Variants in EIF3D observed in about 807,000 individuals in gnomAD.
EIF3D encodes the protein eIF3 p66.
A neutral mutation model predicts 75.4 loss-of-function variants in EIF3D; 10 were observed. The ratio of observed to expected loss-of-function variants is 0.13; its 90% CI spans 0.08 to 0.22. The LOEUF (loss-of-function observed/expected upper bound fraction) is 0.22, where lower values mean the gene tolerates loss of function less well. Ranked by LOEUF, EIF3D falls within the 10% of genes least tolerant of loss-of-function variation. The pLI, the probability that EIF3D is intolerant of heterozygous loss-of-function variation, is 1.00. For missense variants in EIF3D, 394 were observed against 708.0 expected, an observed-to-expected ratio of 0.56 and a Z score of 5.03; for synonymous variants, 246 against 248.3, an observed-to-expected ratio of 0.99 and a Z score of 0.09.
intron 6 of EIF3D, 65 bp from the exon 7 acceptor site, chr22:36,520,753 G>T: frequency 8.4e-7 from 1 of 1,197,174 alleles, no homozygotes; most frequent in Non-Finnish European, 1.2e-6. Flanking sequence ...ATAAAAGACA[G>T]GCTAAAAATA....
intron 1 of EIF3D, among the ~76,000 whole-genome samples, chr22:36,527,871 C>T (rs1385510442): frequency 6.6e-6 from 1 of 152,178 alleles, no homozygotes; most frequent in Non-Finnish European, 1.5e-5. Flanking sequence ...GTATGCTGAA[C>T]TTAGTAAACT....
At chr22:36,511,848 A>G in intron 13 of EIF3D, 62 bp from the exon 14 acceptor site, 1 of 1,573,850 alleles carries the variant, frequency 6.4e-7, no homozygotes, top group Non-Finnish European at 8.7e-7. Flanking sequence ...AACACTTGGG[A>G]TCAAATGTCA....
At chr22:36,519,916 C>CAAAGATTCCTCCTGAAGA (rs1569000083) in intron 7 of EIF3D, among the ~76,000 whole-genome samples, 1 of 152,212 alleles carries the variant, frequency 6.6e-6, no homozygotes, top group Non-Finnish European at 1.5e-5. Context: ...TCAGGAGAAG[C>CAAAGATTCCTCCTGAAGA]AAAGATTCCT....
intron 7 of EIF3D, 93 bp from the exon 8 acceptor site, chr22:36,519,630 T>C (rs1156322030): frequency 6.4e-7 from 1 of 1,554,904 alleles, no homozygotes; most frequent in African/African-American, 1.4e-5. Context: ...TATCCAAAAG[T>C]CTAAAAGAGG....
intron 12 of EIF3D, chr22:36,512,858 GAC>G (rs67441722): frequency 0.25 from 84,753 of 340,068 alleles, 9,211 homozygotes; most frequent in African/African-American, 0.42. Flanking sequence ...GACACACACG[GAC>G]ACACACACAC....
Position 36,524,670 on chromosome 22 carries a change from T to C in EIF3D, c.232A>G (p.Ser78Gly), listed in dbSNP as rs771690165. 2 of 1,614,218 alleles carry C rather than the reference T, an allele frequency of 1.2e-6. No homozygotes were observed. The highest frequency in any genetic ancestry group is 1.7e-6 in the Non-Finnish European group (2 of 1,180,044). Reference protein sequence around the residue: ...QYAYFHEEDESSFQLVDTART... With the variant: ...QYAYFHEEDEGSFQLVDTART... ...GCTGTATCCACCAGCTGGAAGCTAC[T>C]TTCATCCTCCTCATGGAAATAAGCA... Residue 78 changes from serine to glycine, a missense_variant, in exon 4 of 15, where the codon AGT becomes GGT. Coordinates refer to ENST00000216190, the MANE Select transcript of EIF3D (RefSeq NM_003753.4).
chr22:36,518,334 T>C (rs992968027), intron 9 of EIF3D, among the ~76,000 whole-genome samples: 22 of 151,046 alleles, frequency 1.5e-4, no homozygotes, highest in African/African-American at 4.8e-4. Flanking sequence ...ACTAAAAATA[T>C]AGAAAGTAGC....
chr22:36,513,338 T>C (rs913813985), intron 12 of EIF3D, among the ~76,000 whole-genome samples: 1 of 152,122 alleles, frequency 6.6e-6, no homozygotes, highest in African/African-American at 2.4e-5. Flanking sequence ...GTTTTGCTCT[T>C]GTTGCCCAGG....
chr22:36,511,437 TAC>T, intron 14 of EIF3D, 64 bp downstream of exon 14: 1 of 1,590,168 alleles, frequency 6.3e-7, no homozygotes, highest in Non-Finnish European at 8.6e-7. Context: ...TCACAATGGC[TAC>T]AGAGCTTGCT....
chr22:36,524,754 T>C (rs1468213387), intron 3 of EIF3D, 22 bp from the exon 4 acceptor site: 3 of 1,614,070 alleles, frequency 1.9e-6, no homozygotes, highest in Non-Finnish European at 2.5e-6. Flanking sequence ...GGTGATGGCA[T>C]GTAGTAACTG....
At chr22:36,519,694 G>A (rs776817610) in intron 7 of EIF3D, among the ~76,000 whole-genome samples, 157 bp from the exon 8 acceptor site, 2 of 152,184 alleles carry the variant, frequency 1.3e-5, no homozygotes, top group Non-Finnish European at 2.9e-5. Flanking sequence ...TGCTTGCTCA[G>A]TTCCTGTCCA....
At chr22:36,512,345 C>T (rs1934353228) in intron 13 of EIF3D, 115 bp downstream of exon 13, 2 of 1,457,804 alleles carry the variant, frequency 1.4e-6, no homozygotes, top group East Asian at 2.3e-5. Context: ...TACCCCACCC[C>T]TGGATTTATC....
In EIF3D at chr22:36,529,155, C is replaced by A. The variant is rs1325234988; in HGVS notation, c.-90G>T. 10 of 397,248 alleles carry A rather than the reference C, an allele frequency of 2.5e-5. No homozygotes were observed. In the Admixed American group the frequency reaches 3.5e-4, roughly 14 times the overall value. The allele number at this position is 397,248 out of a possible 1,614,324, so 24.6% of individuals were successfully genotyped here. ...CGTTAGCAGCAGCACTCTTGAGAAA[C>A]CAGGAAAAGAGGAAACATGCGCGCG... is the stretch of plus-strand genomic sequence containing the variant. On this transcript the variant is annotated 5_prime_UTR_variant, in exon 1 of 15. Transcript: ENST00000216190.
At chr22:36,528,021 C>G (rs765091017) in intron 1 of EIF3D, among the ~76,000 whole-genome samples, 7 of 152,086 alleles carry the variant, frequency 4.6e-5, no homozygotes, top group Non-Finnish European at 1.0e-4. Context: ...GGGTGGTGGT[C>G]TCAGAACAAT....
At chr22:36,514,576 A>C (rs1043049861) in intron 12 of EIF3D, among the ~76,000 whole-genome samples, 1 of 152,142 alleles carries the variant, frequency 6.6e-6, no homozygotes, top group African/African-American at 2.4e-5. Context: ...GAAGGATCTG[A>C]TGTGCTGTTG....
chr22:36,524,224 G>C (rs962167495), intron 4 of EIF3D, among the ~76,000 whole-genome samples: 31 of 152,100 alleles, frequency 2.0e-4, no homozygotes, highest in African/African-American at 6.5e-4. Flanking sequence ...GGTCTCATTA[G>C]ATTTTCTGAG....
chr22:36,525,542 AAGTTATG>A lies in EIF3D; in HGVS notation c.169+115_169+121del, dbSNP rs1934585574. The A allele has an allele frequency of 5.3e-6, 6 of 1,140,946 alleles. No individual in the cohort carries two copies. In the African/African-American group the frequency reaches 9.4e-5, roughly 18 times the overall value. The allele number at this position is 1,140,946 out of a possible 1,614,324, so 70.7% of individuals were successfully genotyped here. On this transcript the variant is annotated intron_variant, in intron 3 of 14. Transcript: ENST00000216190. Reference sequence around the variant, plus strand: ...GTTAAAGCCCAGAATACATCCCTAAAAGTTATGAATTATTGTTGGCAGTTTCTTCCCA... The same window carrying A: ...GTTAAAGCCCAGAATACATCCCTAAAAATTATTGTTGGCAGTTTCTTCCCA...
chr22:36,523,803 G>A, intron 5 of EIF3D, 92 bp downstream of exon 5: 4 of 1,187,430 alleles, frequency 3.4e-6, no homozygotes, highest in Non-Finnish European at 5.0e-6. Flanking sequence ...GCAGTGGTGG[G>A]GAATACAACC....
At chr22:36,519,276 C>T (rs1934474569) in intron 8 of EIF3D, 129 bp downstream of exon 8, 3 of 1,351,426 alleles carry the variant, frequency 2.2e-6, no homozygotes, top group South Asian at 1.4e-5. Flanking sequence ...CATTTCCGGT[C>T]TACCTGGCAA....
Sources: allele counts gnomAD v4.1 joint callset (sites outside exome capture counted in the v4.1 genomes callset), GRCh38; gene constraint gnomAD v4.1.1; transcripts MANE v1.5; gene names NCBI Gene and HGNC (gene_info 2026-07-23, HGNC 2026-07-21).